ZNF768: variants seen among roughly 807,000 people sequenced by gnomAD.
The protein encoded by ZNF768 is zinc finger protein 768.
A neutral mutation model predicts 39.7 loss-of-function variants in ZNF768; 12 were observed. The observed-to-expected ratio is 0.30, with a 90% CI of 0.19 to 0.49. ZNF768 has a LOEUF of 0.49. Among genes scored for constraint, ZNF768 ranks in the 20% least tolerant of loss-of-function variants. The pLI is 0.99. For synonymous variants in ZNF768, 360 were observed against 288.4 expected, an observed-to-expected ratio of 1.25 and a Z score of -2.52; for missense variants, 613 against 723.2, an observed-to-expected ratio of 0.85 and a Z score of 1.75.
chr16:30,528,113 A>G (rs964401348), upstream of ZNF768: 5 of 152,194 alleles, frequency 3.3e-5, no homozygotes, highest in African/African-American at 1.2e-4. Flanking sequence ...AGCAGGAGCC[A>G]TGGATCGTGT....
At chr16:30,528,939 C>A (rs768809334), upstream of ZNF768, among the ~76,000 whole-genome samples, 1 of 152,238 alleles carries the variant, frequency 6.6e-6, no homozygotes, top group Non-Finnish European at 1.5e-5. Context: ...CCAGCCACAG[C>A]TCTGACACCG....
At chr16:30,532,252 C>T in the ZNF768 span, 1 of 586,732 alleles carries the variant, frequency 1.7e-6, no homozygotes, top group African/African-American at 1.9e-5. Flanking sequence ...TTTTGCTTCC[C>T]TGTATGGAGG....
At chr16:30,526,240 A>T in intron 1 of ZNF768, 86 bp downstream of exon 1, 2 of 1,578,626 alleles carry the variant, frequency 1.3e-6, no homozygotes, top group Non-Finnish European at 1.7e-6. Context: ...CAGGTGTCCC[A>T]GCCCCGGGCC....
At chr16:30,526,117 C>A in intron 1 of ZNF768, 66 bp from the exon 2 acceptor site, 5 of 1,490,954 alleles carry the variant, frequency 3.4e-6, no homozygotes, top group Non-Finnish European at 4.4e-6. Context: ...AGCAACCACA[C>A]ACCTCCCACC....
At position 30,526,425 on chromosome 16, in the gene ZNF768, C is replaced by A. The variant is rs768289887; in HGVS notation, c.-12G>T. The A allele has an allele frequency of 2.6e-6, 4 of 1,566,840 alleles. No individual in the cohort carries two copies. The Admixed American group carries it at 7.5e-5, about 29-fold the overall frequency. ...GCCTCCCGCTCCATCCCCGCGGGCT[C>A]CCAGTGCAGCGGCGGCGGCGATGGC... On this transcript the variant is annotated 5_prime_UTR_variant, in exon 1 of 2. Transcript: ENST00000380412.
Position 30,525,035 on chromosome 16 carries a change from G to A in ZNF768, c.1105C>T (p.His369Tyr). The part of the protein sequence containing the change: ...YLLRHQRTHS[H>Y]ERPYSCTECG... ...TCGGTGCAGCTGTAGGGCCGCTCGTGGCTGTGGGTGCGCTGGTGTCGCAGG... is the reference window on the plus strand; with the variant it reads ...TCGGTGCAGCTGTAGGGCCGCTCGTAGCTGTGGGTGCGCTGGTGTCGCAGG... The change falls in exon 2 of 2, where the codon CAC becomes TAC. Residue 369 changes from histidine (H) to tyrosine (Y), a missense_variant. Coordinates refer to ENST00000380412, the MANE Select transcript of ZNF768 (RefSeq NM_024671.4). The A allele has an allele frequency of 1.2e-6, 2 of 1,613,818 alleles. No individual in the cohort carries two copies. The highest frequency in any genetic ancestry group is 1.7e-6 in the Non-Finnish European group (2 of 1,179,956).
Position 30,525,069 on chromosome 16 carries a change from G to T in ZNF768, c.1071C>A (p.Ser357Arg). 6.2e-7 allele frequency: 1 copy of T among 1,614,172 alleles called. No individual in the cohort carries two copies. The highest frequency in any genetic ancestry group is 8.5e-7 in the Non-Finnish European group (1 of 1,180,020). The change falls in exon 2 of 2, where the codon AGC becomes AGA. Residue 357 changes from serine (S) to arginine (R), a missense_variant. Physicochemically the swap from Ser to Arg is moderately radical, Grantham distance 110 (BLOSUM62 -1). Around this residue, in one of 4 missense-constraint regions of ZNF768, gnomAD observed 204 missense variants for 281.7 expected, o/e 0.72. Transcript: ENST00000380412. ...CPHCGKAFGD[S>R]SYLLRHQRTH... ...TGCGCTGGTGTCGCAGGAGGTAGGA[G>T]CTGTCGCCGAAGGCCTTGCCACAAT...
At chr16:30,528,669 T>G (rs2051347904), upstream of ZNF768, among the ~76,000 whole-genome samples, 1 of 152,090 alleles carries the variant, frequency 6.6e-6, no homozygotes, top group East Asian at 1.9e-4. Flanking sequence ...CTCTCTCCCA[T>G]CCCAATGTAT....
chr16:30,526,468 G>T lies in ZNF768; in HGVS notation c.-55C>A. ...GCGATGGCGGCCGATCCCGCGACCCGGCCTCGGTTGCCCCGAGCCGCGGGC... is the reference window on the plus strand; with the variant it reads ...GCGATGGCGGCCGATCCCGCGACCCTGCCTCGGTTGCCCCGAGCCGCGGGC... On this transcript the variant is annotated 5_prime_UTR_variant, in exon 1 of 2. Transcript: ENST00000380412. 6.9e-7 allele frequency: 1 copy of T among 1,439,730 alleles called. No individual in the cohort carries two copies. Among genetic ancestry groups the T allele is most frequent in the Non-Finnish European group, 9.1e-7 (1 of 1,094,104 alleles). 89.2% of individuals were successfully genotyped at this position (1,439,730 alleles called of 1,614,324 possible). A position where few individuals can be genotyped will look rare whatever the true frequency, so the allele number is the denominator to read the frequency against.
rs769900159 is a variant in ZNF768, at chr16:30,526,058, G to A, written c.89-7C>T. On this transcript the variant is annotated splice_polypyrimidine_tract_variant and splice_region_variant and intron_variant, in intron 1 of 1. Transcript: ENST00000380412. ...TCATTCTCACTCATGTTGCCTGCAG[G>A]ATGAGAGAATCCAGATCGTGTGAGA... 2.9e-5 allele frequency: 44 copies of A among 1,496,948 alleles called. No individual in the cohort carries two copies. The highest frequency in any genetic ancestry group is 2.6e-4 in the African/African-American group (18 of 70,534). 92.7% of individuals were successfully genotyped at this position (1,496,948 alleles called of 1,614,324 possible).
the ZNF768 span, chr16:30,532,140 C>T: frequency 6.7e-6 from 2 of 296,818 alleles, no homozygotes; most frequent in South Asian, 7.9e-5. Context: ...AAGAGCAAAA[C>T]TCCGTCTCAA....
rs555212836 is a variant in ZNF768 at position 30,524,927 on chromosome 16, T to C, written c.1213A>G (p.Ile405Val). 17 of 1,613,470 alleles carry C rather than the reference T, an allele frequency of 1.1e-5. No individual in the cohort carries two copies. Among genetic ancestry groups the C allele is most frequent in the Middle Eastern group, 3.3e-4 (2 of 6,058 alleles). ...CGCTGGGAGAAGCTCTTGCCGCAGATGCCACAGCTGAAGGGCCTCTGACCG... is the reference window on the plus strand; with the variant it reads ...CGCTGGGAGAAGCTCTTGCCGCAGACGCCACAGCTGAAGGGCCTCTGACCG... The part of the protein sequence containing the change: ...HTGQRPFSCG[I>V]CGKSFSQRSA... Residue 405 changes from isoleucine to valine, a missense_variant, in exon 2 of 2, where the codon ATC becomes GTC. This residue lies in a region of ZNF768 where 204 missense variants were observed against 281.7 expected (regional missense o/e 0.72). Coordinates refer to ENST00000380412, the MANE Select transcript of ZNF768 (RefSeq NM_024671.4).
At chr16:30,527,270 G>A, upstream of ZNF768, 11 of 985,960 alleles carry the variant, frequency 1.1e-5, no homozygotes, top group Non-Finnish European at 1.3e-5. Context: ...CGGCACCTGC[G>A]CGCGCCCGCT....
upstream of ZNF768, chr16:30,527,469 C>G (rs2051338078): frequency 6.4e-6 from 2 of 313,718 alleles, no homozygotes; most frequent in Non-Finnish European, 9.3e-6. Flanking sequence ...CTCCTCCAAC[C>G]CCGCGGACGG....
At position 30,526,254 on chromosome 16, in the gene ZNF768, G is replaced by C. The variant is rs551076184; in HGVS notation, c.88+72C>G. 5.6e-5 allele frequency: 89 copies of C among 1,586,152 alleles called. No individual in the cohort carries two copies. In the African/African-American group the frequency reaches 1.2e-3, roughly 21 times the overall value. On this transcript the variant is annotated intron_variant, in intron 1 of 1. Coordinates refer to ENST00000380412, the MANE Select transcript of ZNF768 (RefSeq NM_024671.4). ...CCAGGTGTCCCAGCCCCGGGCCCTC[G>C]CTCCCTCCCTGGAGCCACAGCCCCT...
rs1278482078 is a variant in ZNF768 at position 30,524,226 on chromosome 16, G to A, written c.*291C>T. Reference sequence around the variant, plus strand: ...TAATCCCCTGCCCTCCCCCCTCCCTGCTCTAGCAGTTGCCAAGCCAGGCAC... The same window carrying A: ...TAATCCCCTGCCCTCCCCCCTCCCTACTCTAGCAGTTGCCAAGCCAGGCAC... On this transcript the variant is annotated 3_prime_UTR_variant, in exon 2 of 2. Transcript: ENST00000380412. 5 of 345,340 alleles carry A rather than the reference G, an allele frequency of 1.4e-5. No individual in the cohort carries two copies. In the South Asian group the frequency reaches 2.3e-4, roughly 16 times the overall value. The allele number at this position is 345,340 out of a possible 1,614,324, so 21.4% of individuals were successfully genotyped here.
rs752712948 is a variant in ZNF768, at chr16:30,525,637, G to C, written c.503C>G (p.Ser168Cys). ...TQSPEFEAQSSKFQEGAEMLL... is the reference protein window; with the variant it reads ...TQSPEFEAQSCKFQEGAEMLL... The stretch of plus-strand genomic sequence containing the variant: ...CATCTCCGCACCTTCCTGGAATTTG[G>C]AACTTTGAGCTTCAAATTCTGGGCT... The change falls in exon 2 of 2, where the codon TCC (serine) becomes TGC (cysteine). Residue 168 changes from serine (S) to cysteine (C), a missense_variant. This residue lies in a region of ZNF768 where 347 missense variants were observed against 326.1 expected (regional missense o/e 1.06). Coordinates refer to ENST00000380412, the MANE Select transcript of ZNF768 (RefSeq NM_024671.4). 4 of 1,614,122 alleles carry C rather than the reference G, an allele frequency of 2.5e-6. No homozygotes were observed. The African/African-American group carries it at 4.0e-5, about 16-fold the overall frequency.
In ZNF768 at chr16:30,526,508, C is replaced by G; in HGVS notation, c.-95G>C. Reference sequence around the variant, plus strand: ...GAGCCGCGGGCCCCCGCCTCCCGCCCGCTCAGCGCCGCCCAGGGGACTCGG... The same window carrying G: ...GAGCCGCGGGCCCCCGCCTCCCGCCGGCTCAGCGCCGCCCAGGGGACTCGG... On this transcript the variant is annotated 5_prime_UTR_variant, in exon 1 of 2. Coordinates refer to ENST00000380412, the MANE Select transcript of ZNF768 (RefSeq NM_024671.4). 8.3e-7 allele frequency: 1 copy of G among 1,206,250 alleles called. No individual in the cohort carries two copies. 74.7% of individuals were successfully genotyped at this position (1,206,250 alleles called of 1,614,324 possible).
chr16:30,528,521 T>G (rs1302899241), upstream of ZNF768, among the ~76,000 whole-genome samples: 1 of 152,180 alleles, frequency 6.6e-6, no homozygotes, highest in Non-Finnish European at 1.5e-5. Context: ...GCCACTGCAC[T>G]CTAGTCTGGG....
Sources: allele counts gnomAD v4.1 joint callset (sites outside exome capture counted in the v4.1 genomes callset), GRCh38; gene constraint gnomAD v4.1.1; regional missense constraint gnomAD v4.1.1; transcripts MANE v1.5; gene names NCBI Gene and HGNC (gene_info 2026-07-23, HGNC 2026-07-21).